Variants in NFIB observed in about 807,000 individuals in gnomAD.
The protein encoded by NFIB is nuclear factor I B, also known as nuclear factor 1 B-type.
Under a neutral mutation model 61.5 loss-of-function variants are expected in NFIB, and 11 were observed. That is an observed-to-expected ratio of 0.18 (90% confidence interval 0.11 to 0.30). NFIB has a LOEUF of 0.30. Ranked by LOEUF, NFIB falls within the 10% of genes least tolerant of loss-of-function variation. NFIB has a pLI of 1.00. For missense variants in NFIB, 471 were observed against 608.9 expected, an observed-to-expected ratio of 0.77 and a Z score of 2.38; for synonymous variants, 260 against 216.5, an observed-to-expected ratio of 1.20 and a Z score of -1.76.
At chr9:14,215,977 G>A (rs144366932) in intron 2 of NFIB, among the ~76,000 whole-genome samples, 67 of 152,232 alleles carry the variant, frequency 4.4e-4, no homozygotes, top group African/African-American at 1.6e-3. Flanking sequence ...TGTTCATGGG[G>A]GGTGGGCAAT....
intron 2 of NFIB, among the ~76,000 whole-genome samples, chr9:14,202,001 G>C (rs182248200): frequency 1.3e-5 from 2 of 152,104 alleles, no homozygotes; most frequent in Non-Finnish European, 2.9e-5. Flanking sequence ...TCTTCATGGA[G>C]CTTATGGTTT....
chr9:14,282,794 T>G (rs2058460732), intron 2 of NFIB, among the ~76,000 whole-genome samples: 1 of 152,220 alleles, frequency 6.6e-6, no homozygotes, highest in African/African-American at 2.4e-5. Context: ...GAGCTCCTCA[T>G]GCAGGGCTTC....
intron 1 of NFIB, among the ~76,000 whole-genome samples, chr9:14,345,750 G>A (rs906199627): frequency 6.6e-6 from 1 of 152,144 alleles, no homozygotes; most frequent in Non-Finnish European, 1.5e-5. Flanking sequence ...AAGGTGGTTA[G>A]GTAAAGAGTT....
chr9:14,099,412 T>G (rs2035378196), intron 10 of NFIB, among the ~76,000 whole-genome samples: 2 of 152,244 alleles, frequency 1.3e-5, no homozygotes, highest in South Asian at 4.1e-4. Context: ...TTAAAAGTGC[T>G]AGTGTTACAG....
chr9:14,177,819 T>C (rs1179130392), intron 3 of NFIB, among the ~76,000 whole-genome samples: 1 of 152,162 alleles, frequency 6.6e-6, no homozygotes, highest in Admixed American at 6.5e-5. Flanking sequence ...TGCCATGTTA[T>C]ATGCAAACAG....
At chr9:14,381,665 T>A (rs2061490852) in intron 1 of NFIB, among the ~76,000 whole-genome samples, 1 of 152,230 alleles carries the variant, frequency 6.6e-6, no homozygotes, top group Non-Finnish European at 1.5e-5. Context: ...GAAATTTTTT[T>A]ACCTACGGCC....
intron 2 of NFIB, among the ~76,000 whole-genome samples, chr9:14,186,998 T>C (rs2047402917): frequency 6.6e-6 from 1 of 150,634 alleles, no homozygotes; most frequent in Non-Finnish European, 1.5e-5. Flanking sequence ...TCCTTCATTC[T>C]TCGCTCCTGT....
chr9:14,439,963 G>T, the NFIB span, among the ~76,000 whole-genome samples: 1 of 152,192 alleles, frequency 6.6e-6, no homozygotes, highest in East Asian at 1.9e-4. Flanking sequence ...AGAACTTTGG[G>T]GTGGGAATTG....
At chr9:14,449,471 T>G in the NFIB span, among the ~76,000 whole-genome samples, 9 of 152,280 alleles carry the variant, frequency 5.9e-5, no homozygotes, top group African/African-American at 2.2e-4. Flanking sequence ...TATAATAGCA[T>G]TCTAAAGACA....
intron 3 of NFIB, among the ~76,000 whole-genome samples, chr9:14,161,445 C>A (rs2044193427): frequency 6.6e-6 from 1 of 151,684 alleles, no homozygotes; most frequent in Non-Finnish European, 1.5e-5. Flanking sequence ...CTTTAACACG[C>A]CCTGATAGCA....
intron 2 of NFIB, among the ~76,000 whole-genome samples, chr9:14,214,795 A>T (rs1368665525): frequency 6.6e-6 from 1 of 152,234 alleles, no homozygotes; most frequent in Non-Finnish European, 1.5e-5. Flanking sequence ...ACTGAATATG[A>T]ATATCCTGCT....
At chr9:14,441,725 C>A in the NFIB span, among the ~76,000 whole-genome samples, 2 of 151,984 alleles carry the variant, frequency 1.3e-5, no homozygotes, top group Non-Finnish European at 2.9e-5. Flanking sequence ...AGTGAATGGG[C>A]CGTGGAAGAG....
chr9:14,312,633 T>G (rs938294009), intron 1 of NFIB, among the ~76,000 whole-genome samples: 1 of 152,182 alleles, frequency 6.6e-6, no homozygotes, highest in Non-Finnish European at 1.5e-5. Context: ...ACAAATCGTG[T>G]TTCTAAAAAG....
At chr9:14,273,422 A>G (rs373110317) in intron 2 of NFIB, among the ~76,000 whole-genome samples, 7 of 152,080 alleles carry the variant, frequency 4.6e-5, no homozygotes, top group African/African-American at 7.2e-5. Flanking sequence ...CCATAATTAC[A>G]TATTAAATTT....
intron 2 of NFIB, among the ~76,000 whole-genome samples, chr9:14,283,764 T>G (rs539569238): frequency 2.2e-4 from 33 of 152,360 alleles, no homozygotes; most frequent in Middle Eastern, 3.4e-3. Flanking sequence ...CTCTGTTGCT[T>G]GTAGCTCACT....
intron 2 of NFIB, among the ~76,000 whole-genome samples, chr9:14,220,357 T>C (rs960358694): frequency 3.3e-5 from 5 of 152,220 alleles, no homozygotes; most frequent in African/African-American, 1.2e-4. Flanking sequence ...AAAGCCCTTG[T>C]TGTGGTTCAT....
At chr9:14,467,333 G>T in the NFIB span, among the ~76,000 whole-genome samples, 2 of 152,124 alleles carry the variant, frequency 1.3e-5, no homozygotes, top group Non-Finnish European at 2.9e-5. Flanking sequence ...CACAGGGTCT[G>T]GCCAGGTCAC....
chr9:14,380,160 G>C (rs1237115646), intron 1 of NFIB, among the ~76,000 whole-genome samples: 2 of 152,172 alleles, frequency 1.3e-5, no homozygotes, highest in African/African-American at 4.8e-5. Context: ...GCTACTACAA[G>C]TTAGTGGAAA....
At chr9:14,338,573 A>C (rs1224964884) in intron 1 of NFIB, among the ~76,000 whole-genome samples, 1 of 152,180 alleles carries the variant, frequency 6.6e-6, no homozygotes, top group Non-Finnish European at 1.5e-5. Flanking sequence ...AAGGCTAATA[A>C]TGAATACTGG....
Sources: gnomAD v4.1 joint callset for allele counts (sites outside exome capture counted in the v4.1 genomes callset) on GRCh38, gnomAD v4.1.1 for gene constraint, MANE v1.5 for transcripts, NCBI Gene and HGNC (gene_info 2026-07-23, HGNC 2026-07-21) for gene names.